Variants in PDZRN3 observed in about 807,000 individuals in gnomAD.
PDZRN3 encodes E3 ubiquitin-protein ligase PDZRN3.
In PDZRN3, 38 loss-of-function variants were observed where a neutral mutation model predicts 85.7. That is an observed-to-expected ratio of 0.44 (90% CI 0.34 to 0.58). The LOEUF (loss-of-function observed/expected upper bound fraction) is 0.58. Ranked by LOEUF, PDZRN3 falls within the 20% of genes least tolerant of loss-of-function variation. The pLI is 0.01. For synonymous variants in PDZRN3, 759 were observed against 638.0 expected, an observed-to-expected ratio of 1.19 and a Z score of -2.86; for missense variants, 1,629 against 1,506.4, an observed-to-expected ratio of 1.08 and a Z score of -1.35.
At position 73,385,707 on chromosome 3, in the gene PDZRN3, G is replaced by C; in HGVS notation, c.1597C>G (p.His533Asp). ...CTAGCTGTGAATTGCATGGCCTGGT[G>C]GTGCTGCTCCTCCAGCATGTCCATG... ...LHMDMLEEQH[H>D]QAMQFTASVL... Residue 533 changes from histidine (H) to aspartate (D), a missense_variant, in exon 9 of 10, where the codon CAC becomes GAC. Physicochemically the swap from His to Asp is moderately conservative, Grantham distance 81. Coordinates refer to ENST00000263666, the MANE Select transcript of PDZRN3 (RefSeq NM_015009.3). 3 of 1,613,174 alleles carry C rather than the reference G, an allele frequency of 1.9e-6. No individual in the cohort carries two copies. The highest frequency in any genetic ancestry group is 2.5e-6 in the Non-Finnish European group (3 of 1,179,210).
At chr3:73,514,791 G>A (rs1183953215) in intron 3 of PDZRN3, among the ~76,000 whole-genome samples, 1 of 152,174 alleles carries the variant, frequency 6.6e-6, no homozygotes, top group Non-Finnish European at 1.5e-5. Flanking sequence ...TTGTACAGTT[G>A]TAGTCCAACA....
intron 3 of PDZRN3, among the ~76,000 whole-genome samples, chr3:73,462,542 CAAAAAA>C: frequency 1.1e-5 from 1 of 93,448 alleles, no homozygotes; most frequent in South Asian, 4.0e-4. Flanking sequence ...GACTCCGTCT[CAAAAAA>C]AAAAAAAAAA....
chr3:73,555,551 A>G (rs979697814), intron 3 of PDZRN3, among the ~76,000 whole-genome samples: 5 of 152,218 alleles, frequency 3.3e-5, no homozygotes, highest in African/African-American at 1.2e-4. Flanking sequence ...TATGGAAAAT[A>G]AGGGTTGTCT....
intron 3 of PDZRN3, among the ~76,000 whole-genome samples, chr3:73,548,484 G>A (rs1575728021): frequency 6.6e-6 from 1 of 152,212 alleles, no homozygotes; most frequent in African/African-American, 2.4e-5. Flanking sequence ...GCTTTTTGAA[G>A]CACACACCCT....
At chr3:73,584,479 G>GTC (rs1171983530) in intron 3 of PDZRN3, among the ~76,000 whole-genome samples, 2 of 112,554 alleles carry the variant, frequency 1.8e-5, no homozygotes, top group African/African-American at 3.0e-5. Context: ...GTGTGTGTGT[G>GTC]TGTGTGTGTG....
chr3:73,544,442 T>C (rs189460034), intron 3 of PDZRN3, among the ~76,000 whole-genome samples: 1 of 152,182 alleles, frequency 6.6e-6, no homozygotes, highest in Non-Finnish European at 1.5e-5. Flanking sequence ...CCCAGTTTTA[T>C]GGAGGTATAA....
rs184200654 is a variant in PDZRN3 at position 73,566,249 on chromosome 3, C to T, written c.918+36105G>A. On this transcript the variant is annotated intron_variant, in intron 3 of 9. Coordinates refer to ENST00000263666, the MANE Select transcript of PDZRN3 (RefSeq NM_015009.3). Reference sequence around the variant, plus strand: ...ACACAAAATGACACTTCCTCTAGTACGAGGATTGCAGAAAACCTCAGCGAT... The same window carrying T: ...ACACAAAATGACACTTCCTCTAGTATGAGGATTGCAGAAAACCTCAGCGAT... 5.4e-3 allele frequency among the ~76,000 whole-genome samples: 816 copies of T among 152,234 alleles called. 7 individuals carry two copies. The highest frequency in any genetic ancestry group is 0.019 in the African/African-American group (787 of 41,512).
intron 3 of PDZRN3, among the ~76,000 whole-genome samples, chr3:73,427,771 A>G (rs1020230954): frequency 3.3e-5 from 5 of 152,246 alleles, no homozygotes; most frequent in African/African-American, 1.2e-4. Flanking sequence ...CATCCTGAAC[A>G]GTTACTAGTT....
chr3:73,540,003 C>A (rs942268986), intron 3 of PDZRN3, among the ~76,000 whole-genome samples: 1 of 146,876 alleles, frequency 6.8e-6, no homozygotes, highest in Admixed American at 6.9e-5. Context: ...GATAATACTT[C>A]CTGTGACATG....
At chr3:73,480,792 C>A (rs1022050679) in intron 3 of PDZRN3, among the ~76,000 whole-genome samples, 4 of 152,206 alleles carry the variant, frequency 2.6e-5, no homozygotes, top group African/African-American at 9.6e-5. Context: ...CAGTGTCCTT[C>A]CCCAAGCCCT....
chr3:73,510,034 AG>A (rs577938796), intron 3 of PDZRN3, among the ~76,000 whole-genome samples: 9 of 152,308 alleles, frequency 5.9e-5, no homozygotes, highest in Non-Finnish European at 1.2e-4. Context: ...CGTACACTGG[AG>A]GTTGGGGGTG....
chr3:73,490,437 A>G (rs1372376004), intron 3 of PDZRN3, among the ~76,000 whole-genome samples: 1 of 152,232 alleles, frequency 6.6e-6, no homozygotes, highest in Non-Finnish European at 1.5e-5. Context: ...TTTGACTGAA[A>G]AAGCCTCCCA....
intron 3 of PDZRN3, among the ~76,000 whole-genome samples, chr3:73,454,683 C>A (rs1702942975): frequency 1.3e-5 from 2 of 152,092 alleles, no homozygotes; most frequent in Non-Finnish European, 2.9e-5. Context: ...GACCATTAAT[C>A]CACATTTACT....
Position 73,517,027 on chromosome 3 carries a change from G to A in PDZRN3, c.918+85327C>T, listed in dbSNP as rs148129351. ...ATCCCAGTAACCCAAATTCCATCACGAAAGGGAGAATACAAAGTGCTTATT... is the reference window on the plus strand; with the variant it reads ...ATCCCAGTAACCCAAATTCCATCACAAAAGGGAGAATACAAAGTGCTTATT... On this transcript the variant is annotated intron_variant, in intron 3 of 9. Coordinates refer to ENST00000263666, the MANE Select transcript of PDZRN3 (RefSeq NM_015009.3). Among the ~76,000 whole-genome samples, 112 of 152,258 alleles carry A rather than the reference G, an allele frequency of 7.4e-4. 1 individual carries two copies. The highest frequency in any genetic ancestry group is 2.6e-3 in the African/African-American group (110 of 41,558).
chr3:73,383,486 T>G lies in PDZRN3; in HGVS notation c.3080A>C (p.Lys1027Thr). Residue 1027 changes from lysine to threonine, a missense_variant, in exon 10 of 10, where the codon AAG (lysine) becomes ACG (threonine). By Grantham distance (78) the Lys-to-Thr change is moderately conservative. Transcript: ENST00000263666. ...ILELSHKKMMKKRNKKIFDNW... is the reference protein window; with the variant it reads ...ILELSHKKMMTKRNKKIFDNW... ...ATCGAAGATTTTCTTATTCCTCTTC[T>G]TCATCATCTTTTTGTGGCTCAGTTC... is the stretch of plus-strand genomic sequence containing the variant. 2.5e-6 allele frequency: 4 copies of G among 1,614,218 alleles called. No individual in the cohort carries two copies. The highest frequency in any genetic ancestry group is 3.4e-6 in the Non-Finnish European group (4 of 1,180,032).
At chr3:73,482,891 A>G (rs938450484) in intron 3 of PDZRN3, among the ~76,000 whole-genome samples, 1 of 152,202 alleles carries the variant, frequency 6.6e-6, no homozygotes, top group African/African-American at 2.4e-5. Context: ...CAATCCAAAG[A>G]AGGCACTGCT....
chr3:73,393,901 C>T (rs1701583236), intron 5 of PDZRN3, among the ~76,000 whole-genome samples: 1 of 152,244 alleles, frequency 6.6e-6, no homozygotes, highest in African/African-American at 2.4e-5. Context: ...AAAAGCATTT[C>T]TGTTCTATCT....
intron 1 of PDZRN3, among the ~76,000 whole-genome samples, chr3:73,619,869 G>A (rs1478771359): frequency 5.3e-5 from 8 of 152,244 alleles, no homozygotes; most frequent in African/African-American, 1.9e-4. Flanking sequence ...AGGAATTGAA[G>A]AGGAGCAAGA....
chr3:73,418,566 C>T (rs956458384), intron 3 of PDZRN3, among the ~76,000 whole-genome samples: 3 of 152,116 alleles, frequency 2.0e-5, no homozygotes, highest in Non-Finnish European at 4.4e-5. Flanking sequence ...GATCACTCCC[C>T]ATCTGGTCTT....
Sources: allele counts gnomAD v4.1 joint callset (sites outside exome capture counted in the v4.1 genomes callset), GRCh38; gene constraint gnomAD v4.1.1; transcripts MANE v1.5; gene names NCBI Gene and HGNC (gene_info 2026-07-23, HGNC 2026-07-21).